NCOR1: variants seen among roughly 807,000 people sequenced by gnomAD.
The protein encoded by NCOR1 is nuclear receptor corepressor 1.
NCOR1 carries 63 observed loss-of-function variants against 288.1 expected under a neutral mutation model. The ratio of observed to expected loss-of-function variants is 0.22; its 90% CI spans 0.18 to 0.27. The LOEUF is 0.27. Ranked by LOEUF, NCOR1 falls within the 10% of genes least tolerant of loss-of-function variation. The pLI is 1.00. For missense variants in NCOR1, 2,397 were observed against 3,019.2 expected (o/e 0.79, Z 4.83); for synonymous variants, 1,007 against 1,065.9 (o/e 0.94, Z 1.08).
intron 2 of NCOR1, among the ~76,000 whole-genome samples, chr17:16,190,361 G>T (rs1007675543): frequency 3.3e-5 from 5 of 151,416 alleles, no homozygotes; most frequent in African/African-American, 7.3e-5. Flanking sequence ...TTTTTGAGGA[G>T]TCTCGCTCTG....
rs767456011 is a variant in NCOR1, at chr17:16,146,356, T to C, written c.1082+20A>G. On this transcript the variant is annotated intron_variant, in intron 10 of 45. Coordinates refer to ENST00000268712, the MANE Select transcript of NCOR1 (RefSeq NM_006311.4). ...TATTTGAAGAAAAATATCACAGTCA[T>C]TAAACATCAAACTACTCACCGCTGA... The C allele has an allele frequency of 2.6e-6, 4 of 1,566,398 alleles. No homozygotes were observed. The highest frequency in any genetic ancestry group is 3.4e-6 in the Non-Finnish European group (4 of 1,162,938).
chr17:16,182,414 T>C (rs891760083), intron 3 of NCOR1, among the ~76,000 whole-genome samples: 1 of 152,210 alleles, frequency 6.6e-6, no homozygotes, highest in African/African-American at 2.4e-5. Flanking sequence ...ACTCAGGGCC[T>C]AAAATCACAG....
Position 16,156,467 on chromosome 17 carries a change from G to GGA in NCOR1, c.732+2292_732+2293insTC, listed in dbSNP as rs574651396. Among the ~76,000 whole-genome samples, 387 of 120,966 alleles carry GGA rather than the reference G, an allele frequency of 3.2e-3. 2 individuals are homozygous for GGA. The highest frequency in any genetic ancestry group is 0.011 in the African/African-American group (366 of 31,986). The allele number at this position is 120,966 out of a possible 152,430, so 79.4% of individuals were successfully genotyped here. A position where few individuals can be genotyped will look rare whatever the true frequency, so the allele number is the denominator to read the frequency against. ...AAAAAGAAAAGAAAAGAAGGAAAGC[G>GGA]AAAAAAAAAAGAAAAGAAAAGAAGG... On this transcript the variant is annotated intron_variant, in intron 6 of 45. Coordinates refer to ENST00000268712, the MANE Select transcript of NCOR1 (RefSeq NM_006311.4).
At chr17:16,119,569 T>C (rs76010143) in intron 16 of NCOR1, 84 bp from the exon 17 acceptor site, 21,397 of 912,934 alleles carry the variant, frequency 0.023, 404 homozygotes, top group African/African-American at 0.059. Flanking sequence ...TATATCTCTT[T>C]ATCTGACATA....
In NCOR1 at chr17:16,093,804, G is replaced by GTTAAT. The variant is rs750223945; in HGVS notation, c.2821-1747_2821-1746insATTAA. On this transcript the variant is annotated intron_variant, in intron 21 of 45. Transcript: ENST00000268712. Reference sequence around the variant, plus strand: ...TTATTTCTTATGCAGTCTTCTGTAAGTGTCTAATTAAGAAGACACTCCCTC... The same window carrying GTTAAT: ...TTATTTCTTATGCAGTCTTCTGTAAGTTAATTGTCTAATTAAGAAGACACTCCCTC... 2.5e-4 allele frequency among the ~76,000 whole-genome samples: 38 copies of GTTAAT among 152,256 alleles called. 1 individual carries two copies. The East Asian group carries it at 5.8e-3, about 23-fold the overall frequency.
intron 1 of NCOR1, among the ~76,000 whole-genome samples, chr17:16,203,011 C>A (rs1424698314): frequency 3.3e-5 from 5 of 151,332 alleles, no homozygotes; most frequent in Non-Finnish European, 5.9e-5. Flanking sequence ...GTAACACCCA[C>A]TCCAACAGCA....
At chr17:16,091,615 C>G in intron 22 of NCOR1, 1 of 1,339,072 alleles carries the variant, frequency 7.5e-7, no homozygotes. Context: ...TCTTCCAGCA[C>G]AAAGATGAAT....
At chr17:16,112,778 T>C (rs576548288) in intron 18 of NCOR1, among the ~76,000 whole-genome samples, 1 of 151,554 alleles carries the variant, frequency 6.6e-6, no homozygotes, top group African/African-American at 2.4e-5. Context: ...CGTGAGCCAC[T>C]GCACCTGGCC....
chr17:16,059,988 CTG>C (rs762027104), intron 37 of NCOR1, among the ~76,000 whole-genome samples: 2 of 152,242 alleles, frequency 1.3e-5, no homozygotes, highest in African/African-American at 2.4e-5. Context: ...TTACTCATCA[CTG>C]TTTATGTATT....
chr17:16,158,650 G>T (rs2080217278), intron 6 of NCOR1, 110 bp downstream of exon 6: 1 of 583,044 alleles, frequency 1.7e-6, no homozygotes, highest in African/African-American at 1.9e-5. Context: ...AATTGTAAGA[G>T]AAATCAGGTT....
At chr17:16,130,032 G>A (rs2075355319) in intron 14 of NCOR1, among the ~76,000 whole-genome samples, 1 of 152,158 alleles carries the variant, frequency 6.6e-6, no homozygotes, top group South Asian at 2.1e-4. Flanking sequence ...ACAGCTCCTG[G>A]CTCTGCATAG....
rs756042970 is a variant in NCOR1 at position 16,061,865 on chromosome 17, C to T, written c.5417G>A (p.Ser1806Asn). ...MPLPAGGPSISQGLPASRYNT... is the reference protein window; with the variant it reads ...MPLPAGGPSINQGLPASRYNT... The stretch of plus-strand genomic sequence containing the variant: ...GTAACGGGAGGCTGGCAGGCCTTGG[C>T]TTATTGAAGGGCCCCCAGCAGGCAG... The change falls in exon 37 of 46, where the codon AGC (serine) becomes AAC (asparagine). Residue 1806 changes from serine (S) to asparagine (N), a missense_variant. Transcript: ENST00000268712. 48 of 1,612,146 alleles carry T rather than the reference C, an allele frequency of 3.0e-5. No homozygotes were observed. The Middle Eastern group carries it at 1.2e-3, about 39-fold the overall frequency.
chr17:16,077,568 A>G (rs1264862603), intron 26 of NCOR1, among the ~76,000 whole-genome samples: 2 of 10,290 alleles, frequency 1.9e-4, no homozygotes, highest in Admixed American at 1.5e-3. Context: ...AGGGGAGGAG[A>G]GGGGGGAGGG....
chr17:16,197,229 G>A (rs1223946951), intron 1 of NCOR1, among the ~76,000 whole-genome samples: 1 of 151,650 alleles, frequency 6.6e-6, no homozygotes, highest in African/African-American at 2.4e-5. Flanking sequence ...GCTGAGGCAG[G>A]AGAATCACTT....
chr17:16,089,044 A>C (rs1364754790), intron 22 of NCOR1, among the ~76,000 whole-genome samples: 1 of 152,106 alleles, frequency 6.6e-6, no homozygotes, highest in Non-Finnish European at 1.5e-5. Context: ...TGTATTAAAA[A>C]TCCAATGTCT....
intron 6 of NCOR1, among the ~76,000 whole-genome samples, chr17:16,155,393 C>CACACA (rs200326632): frequency 0.032 from 4,723 of 148,096 alleles, 112 homozygotes; most frequent in East Asian, 0.063. Flanking sequence ...ACACACACAC[C>CACACA]CACAAAGATA....
chr17:16,214,615 A>T (rs190867744), intron 1 of NCOR1, among the ~76,000 whole-genome samples: 1 of 152,318 alleles, frequency 6.6e-6, no homozygotes, highest in Admixed American at 6.5e-5. Flanking sequence ...CTTCCTGAGC[A>T]AATAGTTTTC....
intron 3 of NCOR1, among the ~76,000 whole-genome samples, chr17:16,183,556 T>C (rs911974307): frequency 1.3e-5 from 2 of 152,076 alleles, no homozygotes; most frequent in Middle Eastern, 3.2e-3. Flanking sequence ...GATCTGTATA[T>C]TGAAAACTAT....
In NCOR1 at chr17:16,138,311, G is replaced by A. The variant is rs1283961237; in HGVS notation, c.1353-99C>T. 22 of 1,053,644 alleles carry A rather than the reference G, an allele frequency of 2.1e-5. No individual in the cohort carries two copies. In the East Asian group the frequency reaches 3.4e-4, roughly 16 times the overall value. 65.3% of individuals were successfully genotyped at this position (1,053,644 alleles called of 1,614,324 possible). Reference sequence around the variant, plus strand: ...AAGAAAGACTATGTATAGGCTGGGCGTGGTGGCTCATGCCTGTAATCCCAG... The same window carrying A: ...AAGAAAGACTATGTATAGGCTGGGCATGGTGGCTCATGCCTGTAATCCCAG... On this transcript the variant is annotated intron_variant, in intron 12 of 45. Transcript: ENST00000268712.
Sources: gnomAD v4.1 joint callset for allele counts (sites outside exome capture counted in the v4.1 genomes callset) on GRCh38, gnomAD v4.1.1 for gene constraint, MANE v1.5 for transcripts, NCBI Gene and HGNC (gene_info 2026-07-23, HGNC 2026-07-21) for gene names.